The following SLC35F4 variants were observed in gnomAD, a reference collection of about 807,000 sequenced individuals.
SLC35F4 encodes the protein chromosome 14 open reading frame 36.
A neutral mutation model predicts 44.2 loss-of-function variants in SLC35F4; 24 were observed. That is an observed-to-expected ratio of 0.54 (90% CI 0.39 to 0.76). The LOEUF is 0.76. Ranked by LOEUF, SLC35F4 falls within the 30% of genes least tolerant of loss-of-function variation. The pLI is 0.00. For synonymous variants in SLC35F4, 238 were observed against 223.6 expected, an observed-to-expected ratio of 1.06 and a Z score of -0.57; for missense variants, 562 against 586.1, an observed-to-expected ratio of 0.96 and a Z score of 0.42.
chr14:57,867,897 A>G (rs1341025454), upstream of SLC35F4, among the ~76,000 whole-genome samples: 1 of 152,218 alleles, frequency 6.6e-6, no homozygotes, highest in Non-Finnish European at 1.5e-5. Flanking sequence ...ATATATGTAT[A>G]CACATACATA....
At chr14:57,728,947 G>GT (rs2140464496) in intron 1 of SLC35F4, among the ~76,000 whole-genome samples, 1 of 152,270 alleles carries the variant, frequency 6.6e-6, no homozygotes, top group East Asian at 1.9e-4. Context: ...TAGGGTAAAA[G>GT]TTTTTTCCTT....
chr14:57,855,514 G>A (rs780979067), intron 1 of SLC35F4, among the ~76,000 whole-genome samples: 14 of 152,162 alleles, frequency 9.2e-5, no homozygotes, highest in Non-Finnish European at 1.5e-4. Context: ...AGTTAGAATG[G>A]CGATCATTTA....
At chr14:57,908,193 T>A (rs747915731) in intron 1 of SLC35F4, among the ~76,000 whole-genome samples, 17 of 152,252 alleles carry the variant, frequency 1.1e-4, no homozygotes, top group Non-Finnish European at 1.9e-4. Flanking sequence ...AGTCTATCAT[T>A]GCTGGGCATT....
intron 1 of SLC35F4, among the ~76,000 whole-genome samples, chr14:57,943,781 A>G (rs1889958718): frequency 6.6e-6 from 1 of 152,330 alleles, no homozygotes; most frequent in East Asian, 1.9e-4. Flanking sequence ...GAAAGTGCCA[A>G]GTTTGGTGAA....
At chr14:57,821,394 C>T (rs1161982580) in intron 1 of SLC35F4, among the ~76,000 whole-genome samples, 2 of 152,178 alleles carry the variant, frequency 1.3e-5, no homozygotes, top group African/African-American at 4.8e-5. Flanking sequence ...TAGAAATTCA[C>T]TTTGCAGCTA....
chr14:57,821,013 G>A (rs1337055048), intron 1 of SLC35F4, among the ~76,000 whole-genome samples: 2 of 152,178 alleles, frequency 1.3e-5, no homozygotes, highest in Non-Finnish European at 2.9e-5. Flanking sequence ...TCAGTTATTA[G>A]TACTTTCTTT....
intron 1 of SLC35F4, among the ~76,000 whole-genome samples, chr14:57,960,246 C>T (rs1266402878): frequency 6.6e-6 from 1 of 151,850 alleles, no homozygotes; most frequent in Non-Finnish European, 1.5e-5. Context: ...GACCTCAGTG[C>T]CCACAGATGC....
At chr14:57,878,591 TCTCTCCCTCAA>T (rs1482708574) in intron 1 of SLC35F4, among the ~76,000 whole-genome samples, 2 of 152,176 alleles carry the variant, frequency 1.3e-5, no homozygotes, top group Non-Finnish European at 2.9e-5. Flanking sequence ...TCTGGAACAC[TCTCTCCCTCAA>T]CTCTTTGCCC....
At chr14:57,910,779 T>C (rs937783672) in intron 1 of SLC35F4, among the ~76,000 whole-genome samples, 1 of 152,058 alleles carries the variant, frequency 6.6e-6, no homozygotes, top group African/African-American at 2.4e-5. Flanking sequence ...TCTTGCCTCT[T>C]CATATAAGCT....
intron 1 of SLC35F4, among the ~76,000 whole-genome samples, chr14:57,792,822 C>T (rs796103759): frequency 9.6e-5 from 14 of 145,880 alleles, no homozygotes; most frequent in Admixed American, 4.1e-4. Flanking sequence ...CACTGGGTGC[C>T]GTGTTCATTG....
intron 1 of SLC35F4, among the ~76,000 whole-genome samples, chr14:57,633,464 T>C (rs1226436150): frequency 1.3e-5 from 2 of 152,172 alleles, no homozygotes; most frequent in African/African-American, 4.8e-5. Context: ...GTAATTGGTA[T>C]TTCCCTGATG....
intron 1 of SLC35F4, among the ~76,000 whole-genome samples, chr14:57,911,107 G>C (rs1327012378): frequency 6.6e-6 from 1 of 151,870 alleles, no homozygotes; most frequent in Non-Finnish European, 1.5e-5. Context: ...ATTAAATTTT[G>C]TATGTTAACC....
intron 1 of SLC35F4, among the ~76,000 whole-genome samples, chr14:57,960,118 C>T (rs935652438): frequency 3.9e-5 from 6 of 152,106 alleles, no homozygotes; most frequent in Admixed American, 3.3e-4. Context: ...GAATAGTTAC[C>T]TTCTAGGATA....
chr14:57,568,810 G>A (rs926368884), intron 6 of SLC35F4, among the ~76,000 whole-genome samples: 2 of 152,186 alleles, frequency 1.3e-5, no homozygotes. Context: ...GGAAAATGTG[G>A]AGTGGGCAGA....
chr14:57,919,234 A>G (rs1464534468), intron 1 of SLC35F4, among the ~76,000 whole-genome samples: 4 of 152,224 alleles, frequency 2.6e-5, no homozygotes, highest in Non-Finnish European at 4.4e-5. Flanking sequence ...AACTTTTACT[A>G]TGTTAAGCCA....
At chr14:57,687,553 T>C (rs1032317477) in intron 1 of SLC35F4, among the ~76,000 whole-genome samples, 1 of 152,204 alleles carries the variant, frequency 6.6e-6, no homozygotes, top group African/African-American at 2.4e-5. Context: ...GTGTCCTTAG[T>C]GAGTCCTCCA....
chr14:57,747,865 C>A (rs577006478), intron 1 of SLC35F4, among the ~76,000 whole-genome samples: 1 of 152,314 alleles, frequency 6.6e-6, no homozygotes, highest in Admixed American at 6.5e-5. Flanking sequence ...CCCAAAATCC[C>A]TGAATGTTCT....
intron 3 of SLC35F4, among the ~76,000 whole-genome samples, chr14:57,582,255 G>A (rs1380372781): frequency 6.6e-6 from 1 of 152,008 alleles, no homozygotes; most frequent in Non-Finnish European, 1.5e-5. Context: ...GAATGCGGTA[G>A]CATGATCTTG....
chr14:57,739,169 G>C (rs10129463), intron 1 of SLC35F4, among the ~76,000 whole-genome samples: 7,057 of 152,060 alleles, frequency 0.046, 397 homozygotes, highest in East Asian at 0.18. Context: ...TTGGGACAGA[G>C]AGTCCTGAGG....
Sources: gnomAD v4.1 joint callset for allele counts (sites outside exome capture counted in the v4.1 genomes callset) on GRCh38, gnomAD v4.1.1 for gene constraint, MANE v1.5 for transcripts, NCBI Gene and HGNC (gene_info 2026-07-23, HGNC 2026-07-21) for gene names.